The following DOCK9 variants were observed in gnomAD, a reference collection of about 807,000 sequenced individuals.
DOCK9 encodes the protein dedicator of cytokinesis 9.
A neutral mutation model predicts 263.3 loss-of-function variants in DOCK9; 89 were observed. The ratio of observed to expected loss-of-function variants is 0.34; its 90% CI spans 0.28 to 0.40. The LOEUF (loss-of-function observed/expected upper bound fraction) is 0.40, where lower values mean the gene tolerates loss of function less well. DOCK9 is among the 10% of genes least tolerant of loss of function. The pLI, the probability that DOCK9 is intolerant of heterozygous loss-of-function variation, is 1.00. For synonymous variants in DOCK9, 976 were observed against 973.1 expected (o/e 1.00, Z -0.06); for missense variants, 2,140 against 2,603.4 (o/e 0.82, Z 3.87).
At chr13:98,870,516 G>T (rs1371446414) in intron 27 of DOCK9, among the ~76,000 whole-genome samples, 1 of 152,176 alleles carries the variant, frequency 6.6e-6, no homozygotes, top group Non-Finnish European at 1.5e-5. Context: ...TGAAAAAGAG[G>T]TATCCCAAGA....
At chr13:99,023,785 A>G (rs1886402363) in intron 1 of DOCK9, among the ~76,000 whole-genome samples, 1 of 152,246 alleles carries the variant, frequency 6.6e-6, no homozygotes, top group South Asian at 2.1e-4. Context: ...TTGGCCTGTC[A>G]GCCCCTCACA....
chr13:98,957,208 C>T (rs2058156956), intron 1 of DOCK9, among the ~76,000 whole-genome samples: 2 of 152,118 alleles, frequency 1.3e-5, no homozygotes, highest in Admixed American at 6.5e-5. Context: ...GTCCTGAATC[C>T]CCTTGTAGAA....
chr13:98,885,277 G>C, intron 20 of DOCK9, 185 bp from the exon 21 acceptor site: 1 of 803,120 alleles, frequency 1.2e-6, no homozygotes, highest in Non-Finnish European at 1.9e-6. Flanking sequence ...GGCCTTTTCG[G>C]GGTTAGAATT....
intron 1 of DOCK9, among the ~76,000 whole-genome samples, chr13:99,062,482 C>G (rs1425757111): frequency 6.6e-6 from 1 of 152,124 alleles, no homozygotes; most frequent in East Asian, 1.9e-4. Context: ...CTTATGACCT[C>G]CTTGATAAGC....
intron 8 of DOCK9, among the ~76,000 whole-genome samples, chr13:98,914,850 T>A (rs1331214362): frequency 6.6e-6 from 1 of 152,126 alleles, no homozygotes; most frequent in Non-Finnish European, 1.5e-5. Flanking sequence ...ATAGCCAGAT[T>A]TTTCTCACCA....
At chr13:98,858,550 A>C (rs1195085089) in intron 33 of DOCK9, 2 of 152,244 alleles carry the variant, frequency 1.3e-5, no homozygotes, top group Non-Finnish European at 1.5e-5. Flanking sequence ...AGCTGCCAGA[A>C]AAAAACTAGT....
chr13:98,907,271 T>A (rs913090453), intron 9 of DOCK9, among the ~76,000 whole-genome samples: 1 of 152,236 alleles, frequency 6.6e-6, no homozygotes, highest in African/African-American at 2.4e-5. Flanking sequence ...TACTTCTGAA[T>A]CGTCCGCTTG....
intron 7 of DOCK9, 70 bp from the exon 8 acceptor site, chr13:98,915,573 CTT>C (rs1566953133): frequency 2.1e-6 from 3 of 1,418,900 alleles, no homozygotes; most frequent in African/African-American, 2.9e-5. Context: ...ATTACTCTCT[CTT>C]GTTGGTGAGT....
chr13:99,058,922 G>A (rs1368971023), intron 1 of DOCK9, among the ~76,000 whole-genome samples: 1 of 152,162 alleles, frequency 6.6e-6, no homozygotes, highest in Admixed American at 6.5e-5. Flanking sequence ...CCTCTCAGAA[G>A]GTTGTGGCAC....
intron 15 of DOCK9, among the ~76,000 whole-genome samples, chr13:98,894,221 C>A (rs539495986): frequency 3.3e-5 from 5 of 152,318 alleles, no homozygotes; most frequent in Admixed American, 6.5e-5. Context: ...TGAGACAGGG[C>A]TCCAACCTCC....
At chr13:98,956,932 T>C (rs1007921677) in intron 1 of DOCK9, among the ~76,000 whole-genome samples, 1 of 152,242 alleles carries the variant, frequency 6.6e-6, no homozygotes, top group African/African-American at 2.4e-5. Context: ...CAATTGTGAC[T>C]GAGGCTTGCT....
chr13:98,841,918 C>T (rs532207016), intron 38 of DOCK9, among the ~76,000 whole-genome samples: 27 of 152,164 alleles, frequency 1.8e-4, no homozygotes, highest in African/African-American at 6.3e-4. Context: ...GCTGAGATTA[C>T]AGGCATGAGC....
intron 2 of DOCK9, among the ~76,000 whole-genome samples, chr13:98,933,229 T>C (rs1183856201): frequency 6.6e-6 from 1 of 152,192 alleles, no homozygotes; most frequent in Non-Finnish European, 1.5e-5. Context: ...AAAAACTTTA[T>C]GACAAAAATT....
chr13:99,050,151 C>G (rs1252943927), intron 1 of DOCK9, among the ~76,000 whole-genome samples: 1 of 151,980 alleles, frequency 6.6e-6, no homozygotes, highest in African/African-American at 2.4e-5. Context: ...CAAGTAAAAA[C>G]AAATCAAAAA....
chr13:98,874,324 G>T (rs2094269975), intron 27 of DOCK9, among the ~76,000 whole-genome samples: 1 of 152,180 alleles, frequency 6.6e-6, no homozygotes, highest in South Asian at 2.1e-4. Flanking sequence ...TCACTACTTT[G>T]TTCCATTTTA....
At chr13:98,888,330 C>A in intron 17 of DOCK9, 30 bp downstream of exon 17, 1 of 1,607,618 alleles carries the variant, frequency 6.2e-7, no homozygotes, top group South Asian at 1.1e-5. Flanking sequence ...GGTTTGACAT[C>A]AAGAATGAAA....
chr13:98,917,659 G>A (rs551302499), intron 7 of DOCK9, among the ~76,000 whole-genome samples: 65 of 135,450 alleles, frequency 4.8e-4, no homozygotes, highest in Non-Finnish European at 7.5e-4. Flanking sequence ...TTTTTTTTTC[G>A]GCAGGGCGGG....
At chr13:99,030,132 G>C (rs949074937) in intron 1 of DOCK9, among the ~76,000 whole-genome samples, 1 of 152,214 alleles carries the variant, frequency 6.6e-6, no homozygotes, top group Non-Finnish European at 1.5e-5. Context: ...CTGCTAATGG[G>C]CATGAGACTT....
At position 98,807,717 on chromosome 13, in the gene DOCK9, G is replaced by C; in HGVS notation, c.5458C>G (p.Leu1820Val). 6.2e-7 allele frequency: 1 copy of C among 1,613,772 alleles called. No homozygotes were observed. Among genetic ancestry groups the C allele is most frequent in the Non-Finnish European group, 8.5e-7 (1 of 1,179,750 alleles). ...TCAGAACCAAATTTATCCGAGTACA[G>C]TTTAAGGAGTCTCTGAGAAATTTCC... Reference protein sequence around the residue: ...LSEISQRLLKLYSDKFGSENV... With the variant: ...LSEISQRLLKVYSDKFGSENV... The change falls in exon 48 of 53, where the codon CTG (leucine) becomes GTG (valine). Residue 1820 changes from leucine (L) to valine (V), a missense_variant. By Grantham distance (32) the Leu-to-Val change is conservative. Around this residue, in one of 2 missense-constraint regions of DOCK9, gnomAD observed 619 missense variants for 861.8 expected, o/e 0.72. Coordinates refer to ENST00000682017, the MANE Select transcript of DOCK9 (RefSeq NM_001366683.2).
Sources: gnomAD v4.1 joint callset for allele counts (sites outside exome capture counted in the v4.1 genomes callset) on GRCh38, gnomAD v4.1.1 for gene constraint, gnomAD v4.1.1 regional missense constraint, MANE v1.5 for transcripts, NCBI Gene and HGNC (gene_info 2026-07-23, HGNC 2026-07-21) for gene names.